Variants in PDE4D observed in about 807,000 individuals in gnomAD.
PDE4D encodes the protein 3',5'-cyclic-AMP phosphodiesterase 4D.
A neutral mutation model predicts 87.4 loss-of-function variants in PDE4D; 24 were observed. The observed-to-expected ratio is 0.27, with a 90% CI of 0.20 to 0.39. The LOEUF is 0.39. Among genes scored for constraint, PDE4D ranks in the 10% least tolerant of loss-of-function variants. PDE4D has a pLI of 1.00. For synonymous variants in PDE4D, 384 were observed against 383.2 expected (o/e 1.00, Z -0.02); for missense variants, 714 against 1,041.0 (o/e 0.69, Z 4.32).
chr5:60,456,187 G>A (rs1316465890), intron 1 of PDE4D, among the ~76,000 whole-genome samples: 1 of 152,178 alleles, frequency 6.6e-6, no homozygotes, highest in East Asian at 1.9e-4. Context: ...GATCACTTAG[G>A]TAGGAATTGT....
intron 1 of PDE4D, among the ~76,000 whole-genome samples, chr5:59,442,904 C>T (rs1797854608): frequency 6.6e-6 from 1 of 152,190 alleles, no homozygotes; most frequent in Non-Finnish European, 1.5e-5. Context: ...CCCATACCAT[C>T]TTGCTACGAA....
At chr5:59,989,728 T>A (rs974640259) in intron 2 of PDE4D, among the ~76,000 whole-genome samples, 9 of 152,160 alleles carry the variant, frequency 5.9e-5, no homozygotes, top group Admixed American at 5.2e-4. Context: ...TACTATCACA[T>A]GAGCAATAAT....
At chr5:59,148,845 GAA>G (rs1779066073) in intron 5 of PDE4D, among the ~76,000 whole-genome samples, 1 of 151,230 alleles carries the variant, frequency 6.6e-6, no homozygotes, top group South Asian at 2.1e-4. Flanking sequence ...CTCAATAGCA[GAA>G]AAAAGTCTTT....
chr5:60,503,259 C>G (rs1750177357), intron 1 of PDE4D, among the ~76,000 whole-genome samples: 1 of 151,940 alleles, frequency 6.6e-6, no homozygotes, highest in Non-Finnish European at 1.5e-5. Flanking sequence ...GGCAGAATAC[C>G]CTATAGACAG....
chr5:59,607,227 TA>T, intron 1 of PDE4D, among the ~76,000 whole-genome samples: 1 of 152,134 alleles, frequency 6.6e-6, no homozygotes, highest in African/African-American at 2.4e-5. Context: ...TGTCTTTGTT[TA>T]AAAATGCTAA....
intron 1 of PDE4D, among the ~76,000 whole-genome samples, chr5:59,734,300 A>G (rs533554715): frequency 1.8e-4 from 27 of 152,162 alleles, no homozygotes; most frequent in Non-Finnish European, 3.4e-4. Context: ...ACAGACTGAA[A>G]TAGACTCAAT....
At chr5:59,792,151 T>C (rs189097552) in intron 1 of PDE4D, among the ~76,000 whole-genome samples, 1 of 152,210 alleles carries the variant, frequency 6.6e-6, no homozygotes, top group East Asian at 1.9e-4. Flanking sequence ...TATAAAGGGC[T>C]TCCCTGGGGA....
chr5:60,470,593 A>G (rs149423918), intron 1 of PDE4D, among the ~76,000 whole-genome samples: 38 of 152,308 alleles, frequency 2.5e-4, no homozygotes, highest in African/African-American at 8.9e-4. Flanking sequence ...TTAAGGACCA[A>G]TACAGGTGGT....
chr5:59,102,488 C>T (rs1253614743), intron 5 of PDE4D, among the ~76,000 whole-genome samples: 1 of 152,088 alleles, frequency 6.6e-6, no homozygotes, highest in Non-Finnish European at 1.5e-5. Context: ...AAATCAAATA[C>T]CTTTAAAAAT....
intron 1 of PDE4D, among the ~76,000 whole-genome samples, chr5:60,378,329 T>G (rs1308516665): frequency 6.6e-6 from 1 of 152,188 alleles, no homozygotes; most frequent in Non-Finnish European, 1.5e-5. Flanking sequence ...AGCTCCATAC[T>G]CTACTCCTAA....
chr5:59,118,851 C>T (rs1354081910), intron 5 of PDE4D, among the ~76,000 whole-genome samples: 1 of 152,072 alleles, frequency 6.6e-6, no homozygotes, highest in Non-Finnish European at 1.5e-5. Flanking sequence ...CTGCTTAATA[C>T]CACACAAATA....
chr5:58,976,308 C>T lies in PDE4D; in HGVS notation c.1830+42G>A, dbSNP rs756000333. ...GAACACGCAGACATGTGCACATGTG[C>T]ACAGACACACACACACAGAGCAAAC... On this transcript the variant is annotated intron_variant, in intron 13 of 14. Coordinates refer to ENST00000340635, the MANE Select transcript of PDE4D (RefSeq NM_001104631.2). 2.5e-6 allele frequency: 4 copies of T among 1,603,550 alleles called. No individual in the cohort carries two copies. The South Asian group carries it at 4.5e-5, about 18-fold the overall frequency.
chr5:60,492,112 T>A (rs1749564585), upstream of PDE4D, among the ~76,000 whole-genome samples: 1 of 149,572 alleles, frequency 6.7e-6, no homozygotes, highest in African/African-American at 2.5e-5. Flanking sequence ...ACCCTAAAAC[T>A]TAAAGTATAA....
intron 2 of PDE4D, among the ~76,000 whole-genome samples, chr5:60,044,471 G>A (rs1005359110): frequency 1.3e-5 from 2 of 151,878 alleles, no homozygotes; most frequent in African/African-American, 4.8e-5. Context: ...CCACTAACTC[G>A]TCATCTAGCA....
intron 5 of PDE4D, among the ~76,000 whole-genome samples, chr5:59,177,488 T>A (rs1218487982): frequency 6.6e-6 from 1 of 152,194 alleles, no homozygotes; most frequent in East Asian, 1.9e-4. Flanking sequence ...AAGGGCATCA[T>A]GCGTGTTCAC....
intron 5 of PDE4D, among the ~76,000 whole-genome samples, chr5:59,092,864 C>T (rs1699690211): frequency 6.6e-6 from 1 of 152,118 alleles, no homozygotes; most frequent in Admixed American, 6.6e-5. Flanking sequence ...TCACCTTCTC[C>T]CGTCTTTTTC....
intron 6 of PDE4D, among the ~76,000 whole-genome samples, chr5:59,027,876 G>A (rs889200445): frequency 4.0e-5 from 6 of 151,692 alleles, no homozygotes; most frequent in Non-Finnish European, 8.8e-5. Context: ...TTGCTACTGG[G>A]GTATGGTAGC....
intron 1 of PDE4D, among the ~76,000 whole-genome samples, chr5:60,514,706 CA>C (rs959864166): frequency 1.1e-4 from 17 of 149,702 alleles, no homozygotes; most frequent in Non-Finnish European, 2.1e-4. Flanking sequence ...AAGGTGTTTA[CA>C]AAAAAAATTG....
At chr5:60,110,104 G>T (rs1205721946) in intron 2 of PDE4D, among the ~76,000 whole-genome samples, 1 of 152,012 alleles carries the variant, frequency 6.6e-6, no homozygotes, top group African/African-American at 2.4e-5. Flanking sequence ...AAAGCTATTT[G>T]AAGGAAATAA....
Sources: gnomAD v4.1 joint callset for allele counts (sites outside exome capture counted in the v4.1 genomes callset) on GRCh38, gnomAD v4.1.1 for gene constraint, MANE v1.5 for transcripts, NCBI Gene and HGNC (gene_info 2026-07-23, HGNC 2026-07-21) for gene names.